Variants in HSPH1 observed in about 807,000 individuals in gnomAD.
HSPH1 encodes heat shock protein 105 kDa.
Under a neutral mutation model 100.0 loss-of-function variants are expected in HSPH1, and 40 were observed. The observed-to-expected ratio is 0.40, with a 90% CI of 0.31 to 0.52. The LOEUF is 0.52. Among genes scored for constraint, HSPH1 ranks in the 20% least tolerant of loss-of-function variants. HSPH1 has a pLI of 0.54. For synonymous variants in HSPH1, 403 were observed against 344.0 expected, an observed-to-expected ratio of 1.17 and a Z score of -1.90; for missense variants, 876 against 1,015.1, an observed-to-expected ratio of 0.86 and a Z score of 1.86.
chr13:31,158,784 C>T (rs1956794732), intron 2 of HSPH1, 22 bp downstream of exon 2: 2 of 1,550,050 alleles, frequency 1.3e-6, no homozygotes, highest in Middle Eastern at 1.7e-4. Context: ...AAAAGTGATC[C>T]GAATTCTCTT....
Position 31,138,453 on chromosome 13 carries a change from T to G in HSPH1, c.2324A>C (p.Asp775Ala). 6.2e-7 allele frequency: 1 copy of G among 1,613,406 alleles called. No individual in the cohort carries two copies. The highest frequency in any genetic ancestry group is 1.3e-5 in the African/African-American group (1 of 75,004). Residue 775 changes from aspartate to alanine, a missense_variant, in exon 17 of 18, where the codon GAT (aspartate) becomes GCT (alanine). Asp to Ala is a moderately radical substitution (Grantham distance 126). Coordinates refer to ENST00000320027, the MANE Select transcript of HSPH1 (RefSeq NM_006644.4). ...CTGAGCACGTACAACTGGATCCTGA[T>G]CAAGACTCTTTTTAGCCTGAGCATT... ...VMNAQAKKSL[D>A]QDPVVRAQEI... is the part of the protein sequence containing the mutation.
chr13:31,151,733 T>C lies in HSPH1; in HGVS notation c.539A>G (p.Asn180Ser), dbSNP rs753052630. ...LMNDMTAVAL[N>S]YGIYKQDLPS... ...GAGATCCTGCTTATAAATTCCGTAA[T>C]TCAAAGCAACTACAAAAAATAAGTA... The change falls in exon 6 of 18, where the codon AAT becomes AGT. Residue 180 changes from asparagine to serine, a missense_variant. By Grantham distance (46) the Asn-to-Ser change is conservative. Transcript: ENST00000320027. 1 of 1,604,412 alleles carries C rather than the reference T, an allele frequency of 6.2e-7. No individual in the cohort carries two copies. The highest frequency in any genetic ancestry group is 8.5e-7 in the Non-Finnish European group (1 of 1,177,102).
At position 31,137,245 on chromosome 13, in the gene HSPH1, G is replaced by C. The variant is rs1040294771; in HGVS notation, c.*73C>G. On this transcript the variant is annotated 3_prime_UTR_variant, in exon 18 of 18. Coordinates refer to ENST00000320027, the MANE Select transcript of HSPH1 (RefSeq NM_006644.4). Reference sequence around the variant, plus strand: ...AAAAAAGAAAATATAAATAGTTTCAGTATGTTATGTAGAGTCACATACTAT... The same window carrying C: ...AAAAAAGAAAATATAAATAGTTTCACTATGTTATGTAGAGTCACATACTAT... 1.2e-6 allele frequency: 1 copy of C among 859,288 alleles called. No individual in the cohort carries two copies. Among genetic ancestry groups the C allele is most frequent in the African/African-American group, 1.7e-5 (1 of 58,634 alleles). The allele number at this position is 859,288 out of a possible 1,614,324, so 53.2% of individuals were successfully genotyped here.
In HSPH1 at chr13:31,140,262, A is replaced by G; in HGVS notation, c.1902T>C (p.Ala634=). ...ACACATATTCCTCAACTGCATTTTT[A>G]GCATCATTCCTTTCTTTTTCCAATT... ...QDKLEKERND[A]KNAVEEYVYE... The change falls in exon 14 of 18, where the codon GCT becomes GCC. Residue 634 remains alanine, a synonymous_variant. Coordinates refer to ENST00000320027, the MANE Select transcript of HSPH1 (RefSeq NM_006644.4). 6.2e-7 allele frequency: 1 copy of G among 1,611,422 alleles called. No individual in the cohort carries two copies. The highest frequency in any genetic ancestry group is 2.2e-5 in the East Asian group (1 of 44,790).
Position 31,161,571 on chromosome 13 carries a change from C to T in HSPH1, c.12G>A (p.Val4=). MSV[V]GLDVGSQSCY... is the part of the protein sequence containing the mutation. ...AGCTCTGCGAGCCCACGTCCAACCC[C>T]ACCACCGACATGGCCGGCTCGCGGT... The change falls in exon 1 of 18, where the codon GTG becomes GTA. Residue 4 remains valine (V), a synonymous_variant. Transcript: ENST00000320027. 6.2e-7 allele frequency: 1 copy of T among 1,613,478 alleles called. No individual in the cohort carries two copies. Among genetic ancestry groups the T allele is most frequent in the Non-Finnish European group, 8.5e-7 (1 of 1,179,760 alleles).
intron 7 of HSPH1, 50 bp from the exon 8 acceptor site, chr13:31,150,232 C>A (rs377644449): frequency 1.6e-5 from 21 of 1,303,042 alleles, no homozygotes; most frequent in Middle Eastern, 2.4e-4. Context: ...AATATCCTGT[C>A]CTACTTTTGA....
rs757703807 is a variant in HSPH1, at chr13:31,155,604, G to A, written c.216C>T (p.Gly72=). Residue 72 remains glycine (G), a synonymous_variant, in exon 3 of 18, where the codon GGC becomes GGT. Transcript: ENST00000320027. ...GAATGAAGGGGTCATTGAATGCTCG[G>A]CCATGAAATCTTTTGAAGTTAGACA... The part of the protein sequence containing the change: ...NTVSNFKRFH[G]RAFNDPFIQK... 12 of 1,610,380 alleles carry A rather than the reference G, an allele frequency of 7.5e-6. No individual in the cohort carries two copies. Among genetic ancestry groups the A allele is most frequent in the Middle Eastern group, 1.6e-4 (1 of 6,078 alleles).
At chr13:31,141,090 T>C (rs754672967) in intron 13 of HSPH1, 32 bp downstream of exon 13, 2 of 1,383,036 alleles carry the variant, frequency 1.4e-6, no homozygotes, top group South Asian at 2.9e-5. Context: ...TAAACATATT[T>C]CAAAATAAAA....
At chr13:31,153,730 T>TGA (rs1208606394) in intron 4 of HSPH1, among the ~76,000 whole-genome samples, 1 of 151,776 alleles carries the variant, frequency 6.6e-6, no homozygotes, top group South Asian at 2.1e-4. Context: ...TGTAGATGCT[T>TGA]GAGAGAGAGA....
chr13:31,161,422 C>G, intron 1 of HSPH1, 54 bp downstream of exon 1: 1 of 1,598,834 alleles, frequency 6.3e-7, no homozygotes, highest in Non-Finnish European at 8.5e-7. Context: ...TCTTGGGTCC[C>G]CACACTAAGG....
chr13:31,145,345 G>C (rs1419311486), intron 11 of HSPH1, among the ~76,000 whole-genome samples: 1 of 152,178 alleles, frequency 6.6e-6, no homozygotes, highest in East Asian at 1.9e-4. Context: ...TCATATACTA[G>C]TTACTTCAAA....
chr13:31,141,030 G>A lies in HSPH1; in HGVS notation c.1854+92C>T, dbSNP rs2137545574. On this transcript the variant is annotated intron_variant, in intron 13 of 17. Coordinates refer to ENST00000320027, the MANE Select transcript of HSPH1 (RefSeq NM_006644.4). ...ACTATATAAAACTTGGGATGAGAAA[G>A]AATTATGGCCATTTATCTACTAGAA... is the stretch of plus-strand genomic sequence containing the variant. 5 of 758,066 alleles carry A rather than the reference G, an allele frequency of 6.6e-6. No individual in the cohort carries two copies. In the South Asian group the frequency reaches 1.0e-4, roughly 16 times the overall value. 47.0% of individuals were successfully genotyped at this position (758,066 alleles called of 1,614,324 possible). A position where few individuals can be genotyped will look rare whatever the true frequency, so the allele number is the denominator to read the frequency against.
chr13:31,152,964 A>G lies in HSPH1; in HGVS notation c.430-13T>C. 6.3e-7 allele frequency: 1 copy of G among 1,579,936 alleles called. No homozygotes were observed. The highest frequency in any genetic ancestry group is 8.7e-7 in the Non-Finnish European group (1 of 1,150,730). On this transcript the variant is annotated splice_polypyrimidine_tract_variant and intron_variant, in intron 4 of 17. Transcript: ENST00000320027. Reference sequence around the variant, plus strand: ...AGAAGGAGGGGACCTACAAACAAACAAAAAATTTTGAATTATCTAGAACAC... The same window carrying G: ...AGAAGGAGGGGACCTACAAACAAACGAAAAATTTTGAATTATCTAGAACAC...
intron 13 of HSPH1, chr13:31,140,624 A>C (rs112191853): frequency 0.02 from 4,253 of 214,812 alleles, 202 homozygotes; most frequent in African/African-American, 0.093. Flanking sequence ...ATGGTTATCC[A>C]TATTCAGATT....
At chr13:31,160,673 C>T (rs1052235388) in intron 1 of HSPH1, among the ~76,000 whole-genome samples, 5 of 152,222 alleles carry the variant, frequency 3.3e-5, no homozygotes, top group African/African-American at 1.2e-4. Flanking sequence ...CGACATCCAT[C>T]CTCTTTTGGC....
At chr13:31,162,067 G>A, upstream of HSPH1, 1 of 1,536,104 alleles carries the variant, frequency 6.5e-7, no homozygotes, top group Non-Finnish European at 8.7e-7. Context: ...TGGGCAGCCG[G>A]TCCCCGGAGA....
At position 31,161,610 on chromosome 13, in the gene HSPH1, G is replaced by A. The variant is rs41292153; in HGVS notation, c.-28C>T. The A allele has an allele frequency of 5.0e-6, 8 of 1,609,800 alleles. No homozygotes were observed. Among genetic ancestry groups the A allele is most frequent in the South Asian group, 4.4e-5 (4 of 90,958 alleles). ...CCGGCTCGCGGTCCGCCTCCGCCTC[G>A]GGTCTCGGTCTGCGTCCTCCGGCCC... On this transcript the variant is annotated 5_prime_UTR_variant, in exon 1 of 18. Coordinates refer to ENST00000320027, the MANE Select transcript of HSPH1 (RefSeq NM_006644.4).
chr13:31,162,344 G>A, upstream of HSPH1: 1 of 567,474 alleles, frequency 1.8e-6, no homozygotes, highest in South Asian at 2.0e-5. Flanking sequence ...CCGGCCAGCT[G>A]TCCGGAGAGC....
intron 1 of HSPH1, among the ~76,000 whole-genome samples, chr13:31,160,185 C>T (rs945716270): frequency 6.6e-6 from 1 of 152,106 alleles, no homozygotes; most frequent in Non-Finnish European, 1.5e-5. Context: ...ATTGGATCAA[C>T]CAGAACAAAG....
Sources: gnomAD v4.1 joint callset for allele counts (sites outside exome capture counted in the v4.1 genomes callset) on GRCh38, gnomAD v4.1.1 for gene constraint, MANE v1.5 for transcripts, NCBI Gene and HGNC (gene_info 2026-07-23, HGNC 2026-07-21) for gene names.